The following IGF1 variants were observed in gnomAD, a reference collection of about 807,000 sequenced individuals.
The protein encoded by IGF1 is insulin like growth factor 1.
Under a neutral mutation model 13.8 loss-of-function variants are expected in IGF1, and 4 were observed. The ratio of observed to expected loss-of-function variants is 0.29; its 90% CI spans 0.14 to 0.66. IGF1 has a LOEUF of 0.66. Ranked by LOEUF, IGF1 falls within the 30% of genes least tolerant of loss-of-function variation. The pLI is 0.78. For missense variants in IGF1, 124 were observed against 188.5 expected, an observed-to-expected ratio of 0.66 and a Z score of 2.00; for synonymous variants, 76 against 72.6, an observed-to-expected ratio of 1.05 and a Z score of -0.23.
chr12:102,453,560 T>C (rs533968050), intron 2 of IGF1, among the ~76,000 whole-genome samples: 3 of 152,136 alleles, frequency 2.0e-5, no homozygotes, highest in East Asian at 1.9e-4. Flanking sequence ...ATAAGTAAGG[T>C]TGGGAAAATT....
intron 2 of IGF1, among the ~76,000 whole-genome samples, chr12:102,444,693 A>G (rs974020327): frequency 2.0e-5 from 3 of 152,120 alleles, no homozygotes; most frequent in Non-Finnish European, 4.4e-5. Context: ...AAAGCAAGCA[A>G]AACAATTGGT....
intron 2 of IGF1, among the ~76,000 whole-genome samples, chr12:102,464,809 C>A (rs920870479): frequency 6.6e-6 from 1 of 152,100 alleles, no homozygotes; most frequent in South Asian, 2.1e-4. Flanking sequence ...CTTGAGAGTG[C>A]GAAGATACTT....
Position 102,448,456 on chromosome 12 carries a change from G to A in IGF1, c.220+27187C>T, listed in dbSNP as rs537360445. Among the ~76,000 whole-genome samples the A allele has an allele frequency of 2.4e-3, 344 of 144,462 alleles. 3 individuals are homozygous for A. Among genetic ancestry groups the A allele is most frequent in the Middle Eastern group, 0.014 (4 of 284 alleles). 94.8% of individuals were successfully genotyped at this position (144,462 alleles called of 152,430 possible). A position where few individuals can be genotyped will look rare whatever the true frequency, so the allele number is the denominator to read the frequency against. ...TCGCAAGAACAAAAAACCAAACACC[G>A]CATATTCTGACTCATAGGTGGGAAT... On this transcript the variant is annotated intron_variant, in intron 2 of 3. Transcript: ENST00000337514.
At chr12:102,404,595 TGG>T (rs1873975145) in intron 3 of IGF1, among the ~76,000 whole-genome samples, 1 of 152,134 alleles carries the variant, frequency 6.6e-6, no homozygotes, top group Non-Finnish European at 1.5e-5. Context: ...GAAAAAAAGA[TGG>T]TAGAAAGAAA....
intron 2 of IGF1, among the ~76,000 whole-genome samples, chr12:102,454,397 G>A (rs1237305220): frequency 6.6e-6 from 1 of 152,200 alleles, no homozygotes; most frequent in Non-Finnish European, 1.5e-5. Context: ...CTCCCTAGAA[G>A]GAAGTACATG....
intron 2 of IGF1, among the ~76,000 whole-genome samples, chr12:102,430,542 G>A (rs1185034212): frequency 1.3e-5 from 2 of 152,170 alleles, no homozygotes; most frequent in African/African-American, 4.8e-5. Context: ...ATGAGAGAAT[G>A]TAGACAGAGC....
chr12:102,397,137 G>T lies in IGF1; in HGVS notation c.*5370C>A. On this transcript the variant is annotated 3_prime_UTR_variant, in exon 4 of 4. Coordinates refer to ENST00000337514, the MANE Select transcript of IGF1 (RefSeq NM_000618.5). Reference sequence around the variant, plus strand: ...GAATCGCTTAAACCCAGGAGGTGGAGGTTGCAGTGAGCCGAGATCATGCCA... The same window carrying T: ...GAATCGCTTAAACCCAGGAGGTGGATGTTGCAGTGAGCCGAGATCATGCCA... The T allele has an allele frequency of 3.5e-6, 1 of 284,680 alleles. No homozygotes were observed. The highest frequency in any genetic ancestry group is 6.4e-6 in the Non-Finnish European group (1 of 155,106). The allele number at this position is 284,680 out of a possible 1,614,324, so 17.6% of individuals were successfully genotyped here. A position where few individuals can be genotyped will look rare whatever the true frequency, so the allele number is the denominator to read the frequency against.
At chr12:102,418,332 A>G (rs538818553) in intron 3 of IGF1, among the ~76,000 whole-genome samples, 13 of 152,332 alleles carry the variant, frequency 8.5e-5, no homozygotes, top group Non-Finnish European at 1.8e-4. Context: ...GCCAGTGGCT[A>G]CTGTGTTCTG....
In IGF1 at chr12:102,419,492, C is replaced by G; in HGVS notation, c.402+17G>C. On this transcript the variant is annotated intron_variant, in intron 3 of 3. Coordinates refer to ENST00000337514, the MANE Select transcript of IGF1 (RefSeq NM_000618.5). ...AGACCACTTGAGGATGGCTGGATCC[C>G]ACCCAGGTGGGCTTACCTTCTGGGT... is the stretch of plus-strand genomic sequence containing the variant. 6.2e-7 allele frequency: 1 copy of G among 1,609,926 alleles called. No individual in the cohort carries two copies. The highest frequency in any genetic ancestry group is 8.5e-7 in the Non-Finnish European group (1 of 1,177,898).
chr12:102,435,818 C>T (rs552706633), intron 2 of IGF1, among the ~76,000 whole-genome samples: 9 of 152,320 alleles, frequency 5.9e-5, no homozygotes, highest in Admixed American at 2.6e-4. Context: ...TATTAAAACA[C>T]GATCAACAGG....
chr12:102,441,906 G>GCTGCTGCTGCCTCTTCTT, intron 2 of IGF1, among the ~76,000 whole-genome samples: 26 of 100,344 alleles, frequency 2.6e-4, no homozygotes, highest in Admixed American at 4.2e-4. Flanking sequence ...CTATTACACT[G>GCTGCTGCTGCCTCTTCTT]CTTCTTCTCC....
chr12:102,442,549 C>G (rs1877956734), intron 2 of IGF1, among the ~76,000 whole-genome samples: 1 of 152,060 alleles, frequency 6.6e-6, no homozygotes, highest in South Asian at 2.1e-4. Context: ...TACCTCAACC[C>G]CTATGATTTC....
At chr12:102,452,118 C>T (rs1001069181) in intron 2 of IGF1, among the ~76,000 whole-genome samples, 7 of 151,544 alleles carry the variant, frequency 4.6e-5, no homozygotes, top group Non-Finnish European at 1.0e-4. Context: ...AAAAATTAGC[C>T]GGGCGTGGTA....
At chr12:102,444,675 C>G (rs908614784) in intron 2 of IGF1, among the ~76,000 whole-genome samples, 3 of 152,060 alleles carry the variant, frequency 2.0e-5, no homozygotes, top group African/African-American at 7.2e-5. Context: ...TTAAAAACAA[C>G]TACTTTAAAA....
At chr12:102,413,689 C>T (rs995764538) in intron 3 of IGF1, among the ~76,000 whole-genome samples, 1 of 152,192 alleles carries the variant, frequency 6.6e-6, no homozygotes, top group Non-Finnish European at 1.5e-5. Context: ...TTACTTAAGA[C>T]TACCAATAAC....
At chr12:102,468,779 TG>T (rs1349520890) in intron 2 of IGF1, among the ~76,000 whole-genome samples, 1 of 152,200 alleles carries the variant, frequency 6.6e-6, no homozygotes, top group Non-Finnish European at 1.5e-5. Flanking sequence ...CACCATGGGT[TG>T]TCAAAGATGT....
intron 2 of IGF1, among the ~76,000 whole-genome samples, chr12:102,455,237 T>G (rs184253926): frequency 2.0e-5 from 3 of 152,374 alleles, no homozygotes; most frequent in East Asian, 3.9e-4. Context: ...AATAGTTGAA[T>G]GCACAGCAAG....
In IGF1 at chr12:102,443,919, CG is replaced by C. The variant is rs1302956595; in HGVS notation, c.221-24230del. ...TTGGCTAACTGCAACCTCTGCCTCC[CG>C]GGGTTCAAGTGATTCTCCTGCCTCA... On this transcript the variant is annotated intron_variant, in intron 2 of 3. Transcript: ENST00000337514. 1.3e-5 allele frequency among the ~76,000 whole-genome samples: 2 copies of C among 151,944 alleles called. 1 individual carries two copies. The highest frequency in any genetic ancestry group is 2.9e-5 in the Non-Finnish European group (2 of 67,972).
At chr12:102,468,822 G>A (rs1880494107) in intron 2 of IGF1, among the ~76,000 whole-genome samples, 1 of 152,198 alleles carries the variant, frequency 6.6e-6, no homozygotes, top group African/African-American at 2.4e-5. Flanking sequence ...GCCCTTGCAG[G>A]CTGTTATCGA....
Sources: gnomAD v4.1 joint callset for allele counts (sites outside exome capture counted in the v4.1 genomes callset) on GRCh38, gnomAD v4.1.1 for gene constraint, MANE v1.5 for transcripts, NCBI Gene and HGNC (gene_info 2026-07-23, HGNC 2026-07-21) for gene names.